The following ERC2 variants were observed in gnomAD, a reference collection of about 807,000 sequenced individuals.
ERC2 encodes the protein ELKS/RAB6-interacting/CAST family member 2.
A neutral mutation model predicts 114.8 loss-of-function variants in ERC2; 42 were observed. The ratio of observed to expected loss-of-function variants is 0.37; its 90% CI spans 0.29 to 0.47. The LOEUF (loss-of-function observed/expected upper bound fraction) is 0.47, where lower values mean the gene tolerates loss of function less well. Among genes scored for constraint, ERC2 ranks in the 20% least tolerant of loss-of-function variants. ERC2 has a pLI of 0.99. For missense variants in ERC2, 939 were observed against 1,150.7 expected (o/e 0.82, Z 2.66); for synonymous variants, 454 against 425.5 (o/e 1.07, Z -0.82).
At chr3:56,320,622 C>T (rs888616799) in intron 2 of ERC2, among the ~76,000 whole-genome samples, 1 of 151,960 alleles carries the variant, frequency 6.6e-6, no homozygotes. Flanking sequence ...AAATATTTAC[C>T]ATCACGCCAC....
chr3:56,401,944 T>C (rs573009683), intron 2 of ERC2, among the ~76,000 whole-genome samples: 1 of 152,300 alleles, frequency 6.6e-6, no homozygotes, highest in East Asian at 1.9e-4. Context: ...CTCACAATCA[T>C]GGCAGAAGGC....
chr3:56,368,478 G>A (rs1414786548), intron 2 of ERC2, among the ~76,000 whole-genome samples: 8 of 152,144 alleles, frequency 5.3e-5, no homozygotes, highest in African/African-American at 1.2e-4. Flanking sequence ...CAGGCTAGAC[G>A]AGAAGATAAC....
At chr3:56,350,919 G>A (rs2058528181) in intron 2 of ERC2, among the ~76,000 whole-genome samples, 1 of 152,136 alleles carries the variant, frequency 6.6e-6, no homozygotes, top group African/African-American at 2.4e-5. Flanking sequence ...ACCCTATGAA[G>A]CAGGCTTTAT....
chr3:55,982,969 C>G (rs183436582), intron 12 of ERC2, among the ~76,000 whole-genome samples: 1 of 152,342 alleles, frequency 6.6e-6, no homozygotes, highest in East Asian at 1.9e-4. Context: ...GAGCTCACGC[C>G]TGCTGCCAGG....
chr3:56,428,613 C>T (rs1316375455), intron 2 of ERC2, among the ~76,000 whole-genome samples: 1 of 151,928 alleles, frequency 6.6e-6, no homozygotes, highest in Non-Finnish European at 1.5e-5. Flanking sequence ...TAAAACAAAG[C>T]AGTAATAATA....
intron 14 of ERC2, among the ~76,000 whole-genome samples, chr3:55,772,919 C>G (rs2068331825): frequency 6.6e-6 from 1 of 152,176 alleles, no homozygotes. Flanking sequence ...TTGGCCCTAC[C>G]TTCAAAATAG....
chr3:55,757,964 T>C (rs2067169470), intron 14 of ERC2, among the ~76,000 whole-genome samples: 1 of 151,978 alleles, frequency 6.6e-6, no homozygotes, highest in South Asian at 2.1e-4. Context: ...TACCTCTGAG[T>C]TCTTATTTTT....
At chr3:55,855,496 C>T (rs2061749895) in intron 14 of ERC2, among the ~76,000 whole-genome samples, 1 of 152,204 alleles carries the variant, frequency 6.6e-6, no homozygotes, top group Non-Finnish European at 1.5e-5. Context: ...AAATAATAAA[C>T]AGTGTGATAA....
At chr3:56,160,719 C>G (rs1279901990) in intron 4 of ERC2, among the ~76,000 whole-genome samples, 3 of 152,138 alleles carry the variant, frequency 2.0e-5, no homozygotes, top group African/African-American at 7.2e-5. Context: ...ATCCCAGCAC[C>G]ATTTATTAAA....
chr3:55,637,690 T>A (rs1375926952), intron 17 of ERC2, among the ~76,000 whole-genome samples: 1 of 152,218 alleles, frequency 6.6e-6, no homozygotes, highest in East Asian at 1.9e-4. Context: ...ATGTTTAGTT[T>A]TTTTTGTTAA....
At chr3:56,082,416 TCTGTAA>T (rs1349045111) in intron 6 of ERC2, among the ~76,000 whole-genome samples, 2 of 152,188 alleles carry the variant, frequency 1.3e-5, no homozygotes, top group East Asian at 3.9e-4. Flanking sequence ...CTTTCCAGCC[TCTGTAA>T]CTGTAAGACA....
chr3:55,728,542 G>T (rs1266881506), intron 15 of ERC2, among the ~76,000 whole-genome samples: 1 of 152,198 alleles, frequency 6.6e-6, no homozygotes, highest in Non-Finnish European at 1.5e-5. Context: ...GTTTGAGTTT[G>T]TATTTATCCT....
At chr3:56,421,640 AAAT>A (rs1202685164) in intron 2 of ERC2, among the ~76,000 whole-genome samples, 3 of 152,218 alleles carry the variant, frequency 2.0e-5, no homozygotes, top group African/African-American at 4.8e-5. Flanking sequence ...TTAAGAGAGA[AAAT>A]AAGAGTGATA....
At chr3:55,655,431 G>A (rs967026086) in intron 17 of ERC2, among the ~76,000 whole-genome samples, 1 of 152,218 alleles carries the variant, frequency 6.6e-6, no homozygotes, top group African/African-American at 2.4e-5. Context: ...TGGGCTGGTT[G>A]TTGGGCCTGC....
At chr3:56,465,717 T>C (rs956216354) in intron 1 of ERC2, among the ~76,000 whole-genome samples, 1 of 152,226 alleles carries the variant, frequency 6.6e-6, no homozygotes, top group Non-Finnish European at 1.5e-5. Context: ...TTTTATTTTA[T>C]TATGTGTTAT....
At chr3:56,154,498 C>T (rs1332290810) in intron 4 of ERC2, among the ~76,000 whole-genome samples, 1 of 152,142 alleles carries the variant, frequency 6.6e-6, no homozygotes, top group Non-Finnish European at 1.5e-5. Context: ...GGAACACATC[C>T]TTCCTGTCAT....
At chr3:55,879,041 A>G (rs560914076) in intron 14 of ERC2, among the ~76,000 whole-genome samples, 134 of 150,648 alleles carry the variant, frequency 8.9e-4, no homozygotes, top group Non-Finnish European at 5.5e-4. Flanking sequence ...AGTGTCCTAA[A>G]CCATGCAGTA....
rs552713853 is a variant in ERC2, at chr3:55,729,887, G to C, written c.2712+4884C>G. On this transcript the variant is annotated intron_variant, in intron 15 of 17. Coordinates refer to ENST00000288221, the MANE Select transcript of ERC2 (RefSeq NM_015576.3). ...AAAATTGTAAGCTACACAAGGAAGC[G>C]GTCTTTATGTATTTTGGTCACTGAT... Among the ~76,000 whole-genome samples the C allele has an allele frequency of 2.2e-5, 3 of 134,890 alleles. No individual in the cohort carries two copies. The East Asian group carries it at 6.9e-4, about 31-fold the overall frequency. 88.5% of individuals were successfully genotyped at this position (134,890 alleles called of 152,430 possible).
intron 3 of ERC2, among the ~76,000 whole-genome samples, chr3:56,186,784 C>T (rs993037697): frequency 6.6e-6 from 1 of 152,114 alleles, no homozygotes; most frequent in East Asian, 1.9e-4. Context: ...GATGATCTGC[C>T]CACCTCGGCC....
Sources: gnomAD v4.1 joint callset for allele counts (sites outside exome capture counted in the v4.1 genomes callset) on GRCh38, gnomAD v4.1.1 for gene constraint, MANE v1.5 for transcripts, NCBI Gene and HGNC (gene_info 2026-07-23, HGNC 2026-07-21) for gene names.